GOLGA8A: variants seen among roughly 807,000 people sequenced by gnomAD.
GOLGA8A encodes the protein golgin subfamily A member 8A.
In GOLGA8A, 3 loss-of-function variants were observed where a neutral mutation model predicts 22.1. That is an observed-to-expected ratio of 0.14 (90% confidence interval 0.06 to 0.35). The LOEUF is 0.35. Ranked by LOEUF, GOLGA8A falls within the 10% of genes least tolerant of loss-of-function variation. The pLI is 1.00. For missense variants in GOLGA8A, 16 were observed against 233.2 expected (o/e 0.07, Z 6.07); for synonymous variants, 7 against 91.7 (o/e 0.08, Z 5.28).
At chr15:34,429,777 T>C (rs1242936203) in intron 2 of GOLGA8A, among the ~76,000 whole-genome samples, 14 of 146,936 alleles carry the variant, frequency 9.5e-5, no homozygotes, top group Admixed American at 7.0e-4. Context: ...GTAAGAAAAG[T>C]GAAGGGTACC....
At chr15:34,400,936 T>TC (rs1174068285) in intron 5 of GOLGA8A, among the ~76,000 whole-genome samples, 177 bp from the exon 6 acceptor site, 42 of 90,988 alleles carry the variant, frequency 4.6e-4, no homozygotes, top group Non-Finnish European at 7.9e-4. Context: ...TCTGTTTTTT[T>TC]CATCAAAATA....
At chr15:34,425,706 C>T (rs1046139999) in intron 2 of GOLGA8A, among the ~76,000 whole-genome samples, 8 of 145,746 alleles carry the variant, frequency 5.5e-5, no homozygotes, top group Admixed American at 2.1e-4. Context: ...TGAGGAATAA[C>T]CCTGTGTACC....
At chr15:34,426,988 A>G (rs1222138545) in intron 2 of GOLGA8A, among the ~76,000 whole-genome samples, 1 of 146,936 alleles carries the variant, frequency 6.8e-6, no homozygotes, top group African/African-American at 2.5e-5. Flanking sequence ...TAGTTGTTAA[A>G]GACTTCTCAG....
At chr15:34,435,549 T>C (rs1180696741) in intron 1 of GOLGA8A, 78 bp from the exon 2 acceptor site, 1 of 148,916 alleles carries the variant, frequency 6.7e-6, no homozygotes, top group Non-Finnish European at 1.5e-5. Flanking sequence ...AAGCCACAAC[T>C]TGGGTCTGCG....
Position 34,432,702 on chromosome 15 carries a change from C to T in GOLGA8A, c.-1123+2681G>A, listed in dbSNP as rs141270331. 1.5e-4 allele frequency among the ~76,000 whole-genome samples: 23 copies of T among 149,196 alleles called. 1 individual carries two copies. Among genetic ancestry groups the T allele is most frequent in the South Asian group, 4.3e-4 (2 of 4,632 alleles). On this transcript the variant is annotated intron_variant, in intron 2 of 24. Transcript: ENST00000359187. Reference sequence around the variant, plus strand: ...TGAAAATATTTTCACAGTCACTCAACGCAGGTACCTCAACCACGTATTTTT... The same window carrying T: ...TGAAAATATTTTCACAGTCACTCAATGCAGGTACCTCAACCACGTATTTTT...
chr15:34,380,439 C>G lies in GOLGA8A; in HGVS notation c.*972G>C, dbSNP rs1286891657. 1 of 152,182 alleles carries G rather than the reference C, an allele frequency of 6.6e-6. No individual in the cohort carries two copies. Among genetic ancestry groups the G allele is most frequent in the Non-Finnish European group, 1.5e-5 (1 of 68,036 alleles). 9.4% of individuals were successfully genotyped at this position (152,182 alleles called of 1,614,324 possible). A position where few individuals can be genotyped will look rare whatever the true frequency, so the allele number is the denominator to read the frequency against. On this transcript the variant is annotated 3_prime_UTR_variant, in exon 25 of 25. Coordinates refer to ENST00000359187, the MANE Select transcript of GOLGA8A (RefSeq NM_181077.5). ...CATTAAGAAGAATGCCAACCAGCGC[C>G]CTTTCGTGTACTGGGACAGGTAGTC...
At chr15:34,434,737 G>A (rs74183679) in intron 2 of GOLGA8A, among the ~76,000 whole-genome samples, 14,122 of 149,214 alleles carry the variant, frequency 0.095, 1,790 homozygotes, top group South Asian at 0.25. Flanking sequence ...GTGAGCAAGC[G>A]TCTCAAACCT....
intron 2 of GOLGA8A, among the ~76,000 whole-genome samples, chr15:34,430,328 C>G (rs1254653294): frequency 6.7e-6 from 1 of 149,064 alleles, no homozygotes; most frequent in Non-Finnish European, 1.5e-5. Flanking sequence ...CTCCAGGTAC[C>G]TGAACCTTAG....
chr15:34,420,798 T>G (rs867073924), intron 2 of GOLGA8A, among the ~76,000 whole-genome samples: 1 of 129,140 alleles, frequency 7.7e-6, no homozygotes, highest in Non-Finnish European at 1.6e-5. Flanking sequence ...GCCCATTCAT[T>G]TTATGAGTCA....
chr15:34,424,024 C>G (rs1429246428), intron 2 of GOLGA8A, among the ~76,000 whole-genome samples: 1 of 147,834 alleles, frequency 6.8e-6, no homozygotes, highest in Non-Finnish European at 1.5e-5. Context: ...ACCCTCTGAG[C>G]CCCCTGCCTG....
In GOLGA8A at chr15:34,433,614, C is replaced by A. The variant is rs532441272; in HGVS notation, c.-1123+1769G>T. Reference sequence around the variant, plus strand: ...AAATGTGAACACAGCTAGGTTCCAGCTCTGGGACTCGGGAAAAGGAGGCAC... The same window carrying A: ...AAATGTGAACACAGCTAGGTTCCAGATCTGGGACTCGGGAAAAGGAGGCAC... On this transcript the variant is annotated intron_variant, in intron 2 of 24. Transcript: ENST00000359187. 2.6e-4 allele frequency among the ~76,000 whole-genome samples: 38 copies of A among 148,912 alleles called. 8 individuals are homozygous for A. In the South Asian group the frequency reaches 8.2e-3, roughly 32 times the overall value.
rs1277458586 is a variant in GOLGA8A, at chr15:34,416,356, TTTTC to T, written c.-1122-8625_-1122-8622del. 7 of 147,810 alleles carry T rather than the reference TTTTC, an allele frequency of 4.7e-5. 1 individual carries two copies. Among genetic ancestry groups the T allele is most frequent in the Non-Finnish European group, 7.5e-5 (5 of 66,950 alleles). The allele number at this position is 147,810 out of a possible 1,614,324, so 9.2% of individuals were successfully genotyped here. On this transcript the variant is annotated intron_variant, in intron 2 of 24. Transcript: ENST00000359187. Reference sequence around the variant, plus strand: ...TTTTGTCCTCTCCCTAGCAGGTCTTTTTTCTTTAATAATTTTTTTCTTAGTTTAT... The same window carrying T: ...TTTTGTCCTCTCCCTAGCAGGTCTTTTTTAATAATTTTTTTCTTAGTTTAT...
At position 34,412,659 on chromosome 15, in the gene GOLGA8A, CAAT is replaced by C. The variant is rs902248565; in HGVS notation, c.-1122-4927_-1122-4925del. 7.3e-4 allele frequency among the ~76,000 whole-genome samples: 97 copies of C among 133,126 alleles called. 2 individuals are homozygous for C. Among genetic ancestry groups the C allele is most frequent in the Middle Eastern group, 7.8e-3 (2 of 258 alleles). The allele number at this position is 133,126 out of a possible 152,430, so 87.3% of individuals were successfully genotyped here. On this transcript the variant is annotated intron_variant, in intron 2 of 24. Transcript: ENST00000359187. Reference sequence around the variant, plus strand: ...ATTCATTGGGTCCCAAATATGTGAACAATAGCATGCTAGCCACTTTTAGAAATA... The same window carrying C: ...ATTCATTGGGTCCCAAATATGTGAACAGCATGCTAGCCACTTTTAGAAATA...
intron 2 of GOLGA8A, among the ~76,000 whole-genome samples, chr15:34,434,248 A>G (rs555115721): frequency 6.7e-6 from 1 of 149,546 alleles, no homozygotes; most frequent in African/African-American, 2.5e-5. Flanking sequence ...TGGAGGGAGC[A>G]CTGGAAAGCC....
intron 2 of GOLGA8A, among the ~76,000 whole-genome samples, chr15:34,431,606 A>T (rs2140292133): frequency 6.8e-6 from 1 of 147,188 alleles, no homozygotes; most frequent in Non-Finnish European, 1.5e-5. Flanking sequence ...ATCTAAACAT[A>T]GAAAAGGCAC....
At chr15:34,427,176 CAA>C (rs1893018723) in intron 2 of GOLGA8A, among the ~76,000 whole-genome samples, 1 of 146,998 alleles carries the variant, frequency 6.8e-6, no homozygotes, top group Non-Finnish European at 1.5e-5. Context: ...ACTAAAAATA[CAA>C]AAGTTAGCCG....
intron 5 of GOLGA8A, among the ~76,000 whole-genome samples, chr15:34,402,911 T>C (rs1355501801): frequency 8.7e-5 from 6 of 69,028 alleles, no homozygotes; most frequent in Non-Finnish European, 1.1e-4. Context: ...CAAGCAAGAG[T>C]TCACTCTATC....
chr15:34,426,981 T>C lies in GOLGA8A; in HGVS notation c.-1123+8402A>G, dbSNP rs1052330527. Among the ~76,000 whole-genome samples the C allele has an allele frequency of 2.2e-4, 33 of 146,704 alleles. 2 individuals are homozygous for C. The highest frequency in any genetic ancestry group is 8.2e-4 in the African/African-American group (33 of 40,078). On this transcript the variant is annotated intron_variant, in intron 2 of 24. Transcript: ENST00000359187. ...CTTGACCTACCCAAGCAGCCTCTAG[T>C]TGTTAAAGACTTCTCAGTATTGGAG...
chr15:34,418,130 T>TTAAAA lies in GOLGA8A; in HGVS notation c.-1122-10396_-1122-10395insTTTTA, dbSNP rs756695001. On this transcript the variant is annotated intron_variant, in intron 2 of 24. Coordinates refer to ENST00000359187, the MANE Select transcript of GOLGA8A (RefSeq NM_181077.5). ...TTAGTTGTAGTAACTGTAGATTCTT[T>TTAAAA]AAAAAAAAAAAAAAAAAGGATTGCT... The TTAAAA allele has an allele frequency of 2.6e-3, 161 of 62,648 alleles. 4 individuals are homozygous for TTAAAA. Among genetic ancestry groups the TTAAAA allele is most frequent in the African/African-American group, 8.7e-3 (155 of 17,724 alleles). The allele number at this position is 62,648 out of a possible 1,614,324, so 3.9% of individuals were successfully genotyped here. A position where few individuals can be genotyped will look rare whatever the true frequency, so the allele number is the denominator to read the frequency against.
Sources: allele counts gnomAD v4.1 joint callset (sites outside exome capture counted in the v4.1 genomes callset), GRCh38; gene constraint gnomAD v4.1.1; transcripts MANE v1.5; gene names NCBI Gene and HGNC (gene_info 2026-07-23, HGNC 2026-07-21).